The following CATSPERE variants were observed in gnomAD, a reference collection of about 807,000 sequenced individuals.
The protein encoded by CATSPERE is catsper channel auxiliary subunit epsilon.
In CATSPERE, 93 loss-of-function variants were observed where a neutral mutation model predicts 114.1. The ratio of observed to expected loss-of-function variants is 0.81; its 90% CI spans 0.69 to 0.97. CATSPERE has a LOEUF of 0.97. CATSPERE is among the 50% of genes least tolerant of loss of function. The pLI, the probability that CATSPERE is intolerant of heterozygous loss-of-function variation, is 0.00. For missense variants in CATSPERE, 1,058 were observed against 1,131.6 expected (o/e 0.93, Z 0.93); for synonymous variants, 341 against 384.1 (o/e 0.89, Z 1.31).
In CATSPERE at chr1:244,579,951, ATACTAAGTACTATATGTATGCAT is replaced by A. The variant is rs532415204; in HGVS notation, c.1951-1839_1951-1817del. Among the ~76,000 whole-genome samples the A allele has an allele frequency of 6.6e-5, 10 of 152,332 alleles. No homozygotes were observed. In the South Asian group the frequency reaches 2.1e-3, roughly 32 times the overall value. ...AAGGGCTTAGAAAAGCACCTGGCGC[ATACTAAGTACTATATGTATGCAT>A]TACTACAAACACTACCACTACTCCT... On this transcript the variant is annotated intron_variant, in intron 11 of 21. Coordinates refer to ENST00000366534, the MANE Select transcript of CATSPERE (RefSeq NM_001130957.2).
In CATSPERE at chr1:244,633,644, G is replaced by A. The variant is rs757285874; in HGVS notation, c.2649-1845G>A. ...CACACGCATGCACACACACACACAC[G>A]CACACAAAACCCCCACTACTTTCCT... On this transcript the variant is annotated intron_variant, in intron 20 of 21. Transcript: ENST00000366534. The surrounding 1 kb of genome is among the most constrained non-coding windows in gnomAD (Gnocchi z 4.1). Among the ~76,000 whole-genome samples, 5 of 151,572 alleles carry A rather than the reference G, an allele frequency of 3.3e-5. No individual in the cohort carries two copies. The East Asian group carries it at 5.8e-4, about 18-fold the overall frequency.
chr1:244,457,467 TG>T (rs1273474870), upstream of CATSPERE: 3 of 152,216 alleles, frequency 2.0e-5, no homozygotes, highest in African/African-American at 7.2e-5. Flanking sequence ...GAAAGGGTTT[TG>T]TTTTTTCCTT....
intron 7 of CATSPERE, 125 bp from the exon 8 acceptor site, chr1:244,518,467 C>T (rs952634754): frequency 3.2e-6 from 2 of 619,448 alleles, no homozygotes; most frequent in Non-Finnish European, 5.7e-6. Context: ...ATCTTGAGCA[C>T]ATGGTAAATT....
rs1304543292 is a variant in CATSPERE at position 244,621,082 on chromosome 1, TAAATATA to T, written c.2648+3397_2648+3403del. Among the ~76,000 whole-genome samples, 431 of 70,774 alleles carry T rather than the reference TAAATATA, an allele frequency of 6.1e-3. 1 individual carries two copies. The highest frequency in any genetic ancestry group is 0.014 in the East Asian group (41 of 2,892). 46.4% of individuals were successfully genotyped at this position (70,774 alleles called of 152,430 possible). A position where few individuals can be genotyped will look rare whatever the true frequency, so the allele number is the denominator to read the frequency against. On this transcript the variant is annotated intron_variant, in intron 20 of 21. Transcript: ENST00000366534. ...TATAAATATATATAAAATATATATA[TAAATATA>T]TATAAAATATATATAAATATATATA...
chr1:244,544,414 A>G (rs1404941240), intron 8 of CATSPERE, among the ~76,000 whole-genome samples: 6 of 152,144 alleles, frequency 3.9e-5, no homozygotes, highest in Non-Finnish European at 7.3e-5. Flanking sequence ...ACTTAGGCCT[A>G]TCTCACTGTG....
chr1:244,617,854 T>C (rs1671595266), intron 20 of CATSPERE, among the ~76,000 whole-genome samples, 168 bp downstream of exon 20: 1 of 152,238 alleles, frequency 6.6e-6, no homozygotes, highest in Admixed American at 6.5e-5. Context: ...TAGAAGATTT[T>C]ATGTTGTGTT....
chr1:244,625,018 C>T (rs1672923496), intron 20 of CATSPERE, among the ~76,000 whole-genome samples: 1 of 152,132 alleles, frequency 6.6e-6, no homozygotes, highest in South Asian at 2.1e-4. Flanking sequence ...GAATCAACTT[C>T]TTCCAAACTC....
chr1:244,487,333 A>G (rs983252987), intron 5 of CATSPERE, among the ~76,000 whole-genome samples: 3 of 152,036 alleles, frequency 2.0e-5, no homozygotes, highest in Non-Finnish European at 4.4e-5. Flanking sequence ...ACCAGCCGCC[A>G]TATTTCCCTT....
At chr1:244,451,788 T>C, upstream of CATSPERE, 2 of 1,596,540 alleles carry the variant, frequency 1.3e-6, no homozygotes, top group South Asian at 1.1e-5. The surrounding 1 kb of genome is among the most constrained non-coding windows in gnomAD (Gnocchi z 6.6). Context: ...GCAGGGAGGA[T>C]GCCGCCGGGT....
Position 244,572,594 on chromosome 1 carries a change from A to G in CATSPERE, c.1772A>G (p.Asn591Ser), listed in dbSNP as rs750645958. ...DKCPYMAFHN[N>S]VAHVFYFLDK... is the part of the protein sequence containing the mutation. ...TGCCCATACATGGCATTTCATAACA[A>G]TGTTGCTCATGTTTTTTACTTTTTG... The change falls in exon 11 of 22, where the codon AAT becomes AGT. Residue 591 changes from asparagine to serine, a missense_variant. Physicochemically the swap from Asn to Ser is conservative, Grantham distance 46. Coordinates refer to ENST00000366534, the MANE Select transcript of CATSPERE (RefSeq NM_001130957.2). The G allele has an allele frequency of 3.1e-6, 5 of 1,614,034 alleles. No homozygotes were observed. Among genetic ancestry groups the G allele is most frequent in the Admixed American group, 3.3e-5 (2 of 60,022 alleles).
intron 11 of CATSPERE, among the ~76,000 whole-genome samples, chr1:244,577,736 T>C (rs891304987): frequency 6.6e-6 from 1 of 152,314 alleles, no homozygotes; most frequent in African/African-American, 2.4e-5. Flanking sequence ...ATGTTGGTGA[T>C]CAGGTTTTAA....
intron 10 of CATSPERE, 66 bp downstream of exon 10, chr1:244,561,211 G>A (rs1662505464): frequency 1.7e-6 from 2 of 1,179,266 alleles, no homozygotes; most frequent in South Asian, 1.4e-5. Context: ...TTATAATGAT[G>A]TAACACTTTT....
At chr1:244,534,546 T>C (rs1313449076) in intron 8 of CATSPERE, among the ~76,000 whole-genome samples, 1 of 152,228 alleles carries the variant, frequency 6.6e-6, no homozygotes, top group Non-Finnish European at 1.5e-5. Flanking sequence ...TCAATTCTGC[T>C]ATTAAGAGAC....
chr1:244,466,897 G>A (rs960263873), intron 2 of CATSPERE, among the ~76,000 whole-genome samples: 34 of 152,130 alleles, frequency 2.2e-4, no homozygotes, highest in Non-Finnish European at 2.9e-5. Flanking sequence ...TGGACTTTTG[G>A]TACCACTGCC....
At chr1:244,451,995 C>T, upstream of CATSPERE, 2 of 607,180 alleles carry the variant, frequency 3.3e-6, no homozygotes, top group Non-Finnish European at 5.3e-6. This position sits in a 1 kb window ranked among gnomAD's most constrained non-coding sequence, Gnocchi z 6.6. Flanking sequence ...CCGCCACAGC[C>T]CGCTCAAGGG....
intron 2 of CATSPERE, among the ~76,000 whole-genome samples, chr1:244,469,438 T>C (rs1668113841): frequency 6.6e-6 from 1 of 152,198 alleles, no homozygotes; most frequent in African/African-American, 2.4e-5. Flanking sequence ...CTGAATTATT[T>C]TGAAACTATC....
chr1:244,623,205 G>A (rs1672636141), intron 20 of CATSPERE, among the ~76,000 whole-genome samples: 1 of 152,022 alleles, frequency 6.6e-6, no homozygotes, highest in Non-Finnish European at 1.5e-5. Flanking sequence ...AGCCTCCCGA[G>A]TAGCTGAGAC....
chr1:244,581,710 A>G (rs1388984272), intron 11 of CATSPERE, 86 bp from the exon 12 acceptor site: 2 of 602,078 alleles, frequency 3.3e-6, no homozygotes, highest in African/African-American at 3.8e-5. Flanking sequence ...TTACATGCCT[A>G]GATGTAGAAA....
intron 8 of CATSPERE, among the ~76,000 whole-genome samples, chr1:244,541,914 A>G (rs1340046757): frequency 7.0e-6 from 1 of 142,276 alleles, no homozygotes; most frequent in East Asian, 2.1e-4. Context: ...AGAACAAAAA[A>G]CCAAACACCG....
Sources: allele counts gnomAD v4.1 joint callset (sites outside exome capture counted in the v4.1 genomes callset), GRCh38; gene constraint gnomAD v4.1.1; non-coding constraint Gnocchi (gnomAD v3.1); transcripts MANE v1.5; gene names NCBI Gene and HGNC (gene_info 2026-07-23, HGNC 2026-07-21).